The following SPANXN2 variants were observed in gnomAD, a reference collection of about 807,000 sequenced individuals.
SPANXN2 encodes the protein sperm protein associated with the nucleus on the X chromosome N2.
A neutral mutation model predicts 2.0 loss-of-function variants in SPANXN2; 1 was observed. The ratio of observed to expected loss-of-function variants is 0.50; its 90% CI spans 0.18 to 2.36. The LOEUF is 2.36. Ranked by LOEUF, SPANXN2 falls within the 30% of genes most tolerant of loss-of-function variation. The pLI is 0.26. For synonymous variants in SPANXN2, 43 were observed against 49.8 expected, an observed-to-expected ratio of 0.86 and a Z score of 0.58; for missense variants, 88 against 116.7, an observed-to-expected ratio of 0.75 and a Z score of 1.13.
At chrX:143,715,481 A>T (rs868970773) in intron 1 of SPANXN2, among the ~76,000 whole-genome samples, 2 of 108,961 alleles carry the variant, frequency 1.8e-5, no homozygotes, top group East Asian at 3.0e-4. Context: ...TTACTCTGAC[A>T]CCCAAACGCT....
rs782623750 is a variant in SPANXN2 at position 143,717,565 on chromosome X, G to A, written c.78+3026C>T. On this transcript the variant is annotated intron_variant, in intron 1 of 1. Transcript: ENST00000598475. ...GGTGCCATTCAGGAAAAAATAGTTCGATCTCACTGATAAAGTGTCTTGCCC... is the reference window on the plus strand; with the variant it reads ...GGTGCCATTCAGGAAAAAATAGTTCAATCTCACTGATAAAGTGTCTTGCCC... Among the ~76,000 whole-genome samples, 14 of 112,002 alleles carry A rather than the reference G, an allele frequency of 1.2e-4. No individual in the cohort carries two copies. The Middle Eastern group carries it at 0.023, about 184-fold the overall frequency.
At position 143,717,168 on chromosome X, in the gene SPANXN2, C is replaced by G. The variant is rs181531322; in HGVS notation, c.78+3423G>C. On this transcript the variant is annotated intron_variant, in intron 1 of 1. Coordinates refer to ENST00000598475, the Ensembl canonical transcript of SPANXN2. Reference sequence around the variant, plus strand: ...CTCTCAACAGGCAAAGCTAGTTGCCCTAACCAGGGCCCTCACCCTAGCAAA... The same window carrying G: ...CTCTCAACAGGCAAAGCTAGTTGCCGTAACCAGGGCCCTCACCCTAGCAAA... Among the ~76,000 whole-genome samples the G allele has an allele frequency of 2.1e-3, 237 of 112,332 alleles. 1 individual carries two copies. The highest frequency in any genetic ancestry group is 6.2e-3 in the Admixed American group (66 of 10,669).
chrX:143,719,117 T>C lies in SPANXN2; in HGVS notation c.78+1474A>G, dbSNP rs1270502658. Among the ~76,000 whole-genome samples the C allele has an allele frequency of 2.8e-5, 3 of 107,196 alleles. No homozygotes were observed. In the Admixed American group the frequency reaches 3.0e-4, roughly 11 times the overall value. The allele number at this position is 107,196 out of a possible 115,157, so 93.1% of individuals were successfully genotyped here. On this transcript the variant is annotated intron_variant, in intron 1 of 1. Transcript: ENST00000598475. ...ATAATCTTGCTCGGCTAATCACCTTTCCCCCCCCACCAATCCATCAAATCC... is the reference window on the plus strand; with the variant it reads ...ATAATCTTGCTCGGCTAATCACCTTCCCCCCCCCACCAATCCATCAAATCC...
chrX:143,713,998 AC>A (rs1351115529), intron 1 of SPANXN2, among the ~76,000 whole-genome samples: 3 of 106,106 alleles, frequency 2.8e-5, no homozygotes, highest in Non-Finnish European at 5.8e-5. Flanking sequence ...CTTCCTCCGG[AC>A]AAGTCTTCTT....
chrX:143,719,241 C>T (rs1932319111), intron 1 of SPANXN2, among the ~76,000 whole-genome samples: 1 of 111,119 alleles, frequency 9.0e-6, no homozygotes. Flanking sequence ...CTCTTATCAA[C>T]CCCTCCCCTT....
intron 1 of SPANXN2, among the ~76,000 whole-genome samples, chrX:143,718,724 C>A (rs1239551652): frequency 1.8e-5 from 2 of 111,657 alleles, no homozygotes; most frequent in Admixed American, 9.5e-5. Flanking sequence ...TATTTCAGAT[C>A]TTTCCTGGTT....
intron 1 of SPANXN2, among the ~76,000 whole-genome samples, chrX:143,712,924 C>T (rs140370358): frequency 2.3e-3 from 261 of 111,709 alleles, no homozygotes; most frequent in African/African-American, 7.8e-3. Context: ...ATCATAAGAA[C>T]ATCTTATCAA....
At chrX:143,716,990 C>T (rs1556449891) in intron 1 of SPANXN2, among the ~76,000 whole-genome samples, 1 of 112,231 alleles carries the variant, frequency 8.9e-6, no homozygotes, top group African/African-American at 3.2e-5. Context: ...CCCTCTCCTC[C>T]CCCTTCCAAC....
rs375377076 is a variant in SPANXN2, at chrX:143,719,446, C to A, written c.78+1145G>T. On this transcript the variant is annotated intron_variant, in intron 1 of 1. Coordinates refer to ENST00000598475, the Ensembl canonical transcript of SPANXN2. ...CTCCTCCACTACCAACATTTCCTATCAGGCCTTCAGAGGGGCTACCCTTGC... is the reference window on the plus strand; with the variant it reads ...CTCCTCCACTACCAACATTTCCTATAAGGCCTTCAGAGGGGCTACCCTTGC... 6.3e-5 allele frequency among the ~76,000 whole-genome samples: 7 copies of A among 111,965 alleles called. No homozygotes were observed. The East Asian group carries it at 1.7e-3, about 27-fold the overall frequency.
rs782705700 is a variant in SPANXN2 at position 143,712,530 on chromosome X, T to A, written c.79-31A>T. On this transcript the variant is annotated intron_variant, in intron 1 of 1. Coordinates refer to ENST00000598475, the Ensembl canonical transcript of SPANXN2. ...AAGAAAACAGGGAGAGGCCAGAAAGTCATTATTTTGGGTGAATAGGGTAGA... is the reference window on the plus strand; with the variant it reads ...AAGAAAACAGGGAGAGGCCAGAAAGACATTATTTTGGGTGAATAGGGTAGA... 1.2e-4 allele frequency: 144 copies of A among 1,181,727 alleles called. 2 individuals are homozygous for A. The Admixed American group carries it at 2.4e-3, about 20-fold the overall frequency.
rs149928489 is a variant in SPANXN2 at position 143,717,240 on chromosome X, G to A, written c.78+3351C>T. Among the ~76,000 whole-genome samples the A allele has an allele frequency of 8.3e-3, 925 of 111,852 alleles. 9 individuals are homozygous for A. Among genetic ancestry groups the A allele is most frequent in the African/African-American group, 0.029 (886 of 30,730 alleles). On this transcript the variant is annotated intron_variant, in intron 1 of 1. Coordinates refer to ENST00000598475, the Ensembl canonical transcript of SPANXN2. ...CACCCATTCCAAATATGCATACCAT[G>A]TCCTACAGTCTCATGCCTTCATCTG... is the stretch of plus-strand genomic sequence containing the variant.
chrX:143,718,790 A>G (rs1178258612), intron 1 of SPANXN2, among the ~76,000 whole-genome samples: 1 of 111,043 alleles, frequency 9.0e-6, no homozygotes, highest in Non-Finnish European at 1.9e-5. Flanking sequence ...AATCAAGGAG[A>G]TATGACTTCA....
At chrX:143,716,241 T>C (rs1932261212) in intron 1 of SPANXN2, among the ~76,000 whole-genome samples, 1 of 110,906 alleles carries the variant, frequency 9.0e-6, no homozygotes, top group Non-Finnish European at 1.9e-5. Context: ...ACCCACAAAA[T>C]CTCAGGTACC....
chrX:143,717,344 T>C (rs782629789), intron 1 of SPANXN2, among the ~76,000 whole-genome samples: 1 of 111,723 alleles, frequency 9.0e-6, no homozygotes, highest in South Asian at 3.8e-4. Context: ...TGGGGGTGGA[T>C]AAACCACCAC....
exon 2 of SPANXN2, chrX:143,712,441 G>T (rs1472900548): frequency 8.3e-7 from 1 of 1,210,831 alleles, no homozygotes; most frequent in African/African-American, 1.7e-5. Flanking sequence ...ATATTCTATT[G>T]TTTTTGTCTT....
At chrX:143,713,662 C>G (rs1162407562) in intron 1 of SPANXN2, among the ~76,000 whole-genome samples, 1 of 111,179 alleles carries the variant, frequency 9.0e-6, no homozygotes, top group Non-Finnish European at 1.9e-5. Context: ...CAAGTACTCA[C>G]TTCCCTATGG....
intron 1 of SPANXN2, 118 bp from the exon 2 acceptor site, chrX:143,712,617 G>C: frequency 1.1e-5 from 7 of 655,515 alleles, no homozygotes; most frequent in Non-Finnish European, 1.7e-5. Context: ...GTTTGTGCCA[G>C]AGAAGAACAA....
intron 1 of SPANXN2, among the ~76,000 whole-genome samples, chrX:143,717,704 CTCAGAG>C (rs1556450066): frequency 8.9e-6 from 1 of 112,119 alleles, no homozygotes; most frequent in Non-Finnish European, 1.9e-5. Flanking sequence ...GGTTGCCCAT[CTCAGAG>C]ATATTACTAA....
At chrX:143,713,400 C>T (rs1225852583) in intron 1 of SPANXN2, among the ~76,000 whole-genome samples, 2 of 111,849 alleles carry the variant, frequency 1.8e-5, no homozygotes, top group African/African-American at 6.5e-5. Flanking sequence ...TTCTGGACAT[C>T]ACATCCAACA....
Sources: allele counts gnomAD v4.1 joint callset (sites outside exome capture counted in the v4.1 genomes callset), GRCh38; gene constraint gnomAD v4.1.1; transcripts MANE v1.5; gene names NCBI Gene and HGNC (gene_info 2026-07-23, HGNC 2026-07-21).